The following AMMECR1 variants were observed in gnomAD, a reference collection of about 807,000 sequenced individuals.
AMMECR1 encodes AMMECR nuclear protein 1.
Under a neutral mutation model 22.5 loss-of-function variants are expected in AMMECR1, and 3 were observed. That is an observed-to-expected ratio of 0.13 (90% CI 0.06 to 0.35). The LOEUF (loss-of-function observed/expected upper bound fraction) is 0.35. AMMECR1 is among the 10% of genes least tolerant of loss of function. The pLI is 1.00. For missense variants in AMMECR1, 235 were observed against 278.7 expected, an observed-to-expected ratio of 0.84 and a Z score of 1.12; for synonymous variants, 130 against 116.7, an observed-to-expected ratio of 1.11 and a Z score of -0.74.
intron 1 of AMMECR1, among the ~76,000 whole-genome samples, chrX:110,277,947 T>C (rs2067834426): frequency 1.8e-5 from 2 of 112,076 alleles, no homozygotes; most frequent in African/African-American, 6.5e-5. Context: ...TCCTAAAAGA[T>C]CTTGAGGAAG....
At chrX:110,315,859 A>G (rs1210870519) in intron 1 of AMMECR1, among the ~76,000 whole-genome samples, 1 of 112,375 alleles carries the variant, frequency 8.9e-6, no homozygotes, top group Non-Finnish European at 1.9e-5. Context: ...CAGACATCCA[A>G]GAGAAGGCAT....
chrX:110,310,395 C>T (rs772974476), intron 1 of AMMECR1, among the ~76,000 whole-genome samples: 60 of 110,707 alleles, frequency 5.4e-4, no homozygotes, highest in African/African-American at 1.7e-3. Flanking sequence ...TCCTGCAGTG[C>T]CTCTCCATGC....
At position 110,267,178 on chromosome X, in the gene AMMECR1, A is replaced by C. The variant is rs1462631331; in HGVS notation, c.474-2579T>G. 5.4e-5 allele frequency among the ~76,000 whole-genome samples: 6 copies of C among 111,508 alleles called. No individual in the cohort carries two copies. The Admixed American group carries it at 5.7e-4, about 11-fold the overall frequency. On this transcript the variant is annotated intron_variant, in intron 1 of 5. Coordinates refer to ENST00000262844, the MANE Select transcript of AMMECR1 (RefSeq NM_015365.3). The stretch of plus-strand genomic sequence containing the variant: ...GTGCATGTCTCTTTATAGTAGAATG[A>C]TTTATAATCTTTTCGGCATATACCC...
At chrX:110,331,834 T>G (rs1262289820) in intron 2 of AMMECR1, among the ~76,000 whole-genome samples, 1 of 111,851 alleles carries the variant, frequency 8.9e-6, no homozygotes, top group Non-Finnish European at 1.9e-5. Flanking sequence ...TGTACTCTGG[T>G]CAGATTATTG....
At chrX:110,423,879 T>C (rs969806480) in intron 2 of AMMECR1, among the ~76,000 whole-genome samples, 2 of 112,451 alleles carry the variant, frequency 1.8e-5, no homozygotes, top group Non-Finnish European at 3.8e-5. Context: ...ACAGTTCTTA[T>C]TTGGAATTGT....
intron 1 of AMMECR1, among the ~76,000 whole-genome samples, chrX:110,274,554 C>T (rs2067816089): frequency 8.9e-6 from 1 of 111,807 alleles, no homozygotes; most frequent in Non-Finnish European, 1.9e-5. Context: ...GGCATAATAA[C>T]TCTAGCATTC....
intron 1 of AMMECR1, among the ~76,000 whole-genome samples, chrX:110,429,944 G>T (rs1303398594): frequency 8.9e-6 from 1 of 112,016 alleles, no homozygotes; most frequent in East Asian, 2.8e-4. Flanking sequence ...TGGCTTCATC[G>T]TGTTCTTTGT....
chrX:110,323,558 C>T (rs2068086840), intron 2 of AMMECR1, among the ~76,000 whole-genome samples: 1 of 112,355 alleles, frequency 8.9e-6, no homozygotes, highest in African/African-American at 3.2e-5. Context: ...TTCAAGCTTC[C>T]TCTATGTTGT....
intron 2 of AMMECR1, among the ~76,000 whole-genome samples, chrX:110,423,336 AAAAAAG>A (rs940957310): frequency 9.0e-5 from 10 of 110,891 alleles, no homozygotes; most frequent in East Asian, 5.6e-4. Context: ...CTCAAAAAAA[AAAAAAG>A]AAAAAGAAAA....
At chrX:110,342,759 C>T (rs1053733372) in intron 2 of AMMECR1, among the ~76,000 whole-genome samples, 1 of 111,906 alleles carries the variant, frequency 8.9e-6, no homozygotes, top group African/African-American at 3.3e-5. Context: ...TACTTAATTA[C>T]TTAAGACATT....
intron 1 of AMMECR1, among the ~76,000 whole-genome samples, chrX:110,266,804 A>G (rs2067771890): frequency 9.1e-6 from 1 of 109,509 alleles, no homozygotes; most frequent in Non-Finnish European, 1.9e-5. Flanking sequence ...TCCATCACCT[A>G]CATTAGGTAT....
intron 2 of AMMECR1, among the ~76,000 whole-genome samples, chrX:110,353,438 G>A (rs769534137): frequency 1.6e-4 from 18 of 110,440 alleles, no homozygotes; most frequent in Non-Finnish European, 3.4e-4. Context: ...TATGATGCAG[G>A]CATTTATTGC....
At chrX:110,285,766 C>T (rs907421528) in intron 1 of AMMECR1, among the ~76,000 whole-genome samples, 5 of 111,233 alleles carry the variant, frequency 4.5e-5, no homozygotes, top group African/African-American at 9.8e-5. Flanking sequence ...AATGTGTTTT[C>T]GGAGGCCTCT....
chrX:110,241,517 G>A (rs767278039), intron 2 of AMMECR1, among the ~76,000 whole-genome samples: 4 of 111,011 alleles, frequency 3.6e-5, no homozygotes, highest in Non-Finnish European at 7.6e-5. Context: ...ACATACACCC[G>A]CCCAAAACTG....
chrX:110,313,787 C>T (rs1453831752), intron 1 of AMMECR1, among the ~76,000 whole-genome samples: 1 of 111,628 alleles, frequency 9.0e-6, no homozygotes, highest in Non-Finnish European at 1.9e-5. Context: ...CTTATACTCT[C>T]GGCAGCACTC....
chrX:110,401,091 A>T (rs2068561511), intron 2 of AMMECR1, among the ~76,000 whole-genome samples: 1 of 112,510 alleles, frequency 8.9e-6, no homozygotes, highest in Admixed American at 9.4e-5. Flanking sequence ...CGTTTTACAG[A>T]TGAAAGTGGA....
chrX:110,244,359 T>C (rs2067647868), intron 2 of AMMECR1, among the ~76,000 whole-genome samples: 1 of 111,745 alleles, frequency 8.9e-6, no homozygotes, highest in African/African-American at 3.3e-5. Context: ...GCTGCTTGTA[T>C]ATATTTCTCT....
At chrX:110,281,493 C>T (rs1455538917) in intron 1 of AMMECR1, among the ~76,000 whole-genome samples, 1 of 112,278 alleles carries the variant, frequency 8.9e-6, no homozygotes, top group Non-Finnish European at 1.9e-5. Context: ...ATGACAAATA[C>T]AACTCTAACA....
chrX:110,284,601 C>G (rs1319532525), intron 1 of AMMECR1, among the ~76,000 whole-genome samples: 4 of 112,100 alleles, frequency 3.6e-5, no homozygotes, highest in Non-Finnish European at 7.5e-5. Flanking sequence ...AGGCACAATT[C>G]CTTAGCATAT....
Sources: gnomAD v4.1 joint callset for allele counts (sites outside exome capture counted in the v4.1 genomes callset) on GRCh38, gnomAD v4.1.1 for gene constraint, MANE v1.5 for transcripts, NCBI Gene and HGNC (gene_info 2026-07-23, HGNC 2026-07-21) for gene names.